PPP4R2: variants seen among roughly 807,000 people sequenced by gnomAD.
The protein encoded by PPP4R2 is protein phosphatase 4 regulatory subunit 2, also known as serine/threonine-protein phosphatase 4 regulatory subunit 2.
Under a neutral mutation model 47.2 loss-of-function variants are expected in PPP4R2, and 13 were observed. The ratio of observed to expected loss-of-function variants is 0.28; its 90% CI spans 0.18 to 0.44. The LOEUF is 0.44. Ranked by LOEUF, PPP4R2 falls within the 20% of genes least tolerant of loss-of-function variation. The pLI is 1.00. For missense variants in PPP4R2, 421 were observed against 491.2 expected (o/e 0.86, Z 1.35); for synonymous variants, 151 against 163.3 (o/e 0.92, Z 0.57).
intron 5 of PPP4R2, chr3:73,062,972 C>T (rs1012527048): frequency 3.8e-6 from 5 of 1,304,898 alleles, no homozygotes; most frequent in Admixed American, 2.1e-5. Context: ...TGGATGGCTC[C>T]ATTGCTCTAC....
chr3:73,040,977 G>A (rs1437231492), intron 2 of PPP4R2, among the ~76,000 whole-genome samples: 1 of 151,534 alleles, frequency 6.6e-6, no homozygotes, highest in East Asian at 1.9e-4. Context: ...ATATTAAAAT[G>A]TTACTTTAGT....
Position 73,066,586 on chromosome 3 carries a change from AGAAT to A in PPP4R2, c.*870_*873del, listed in dbSNP as rs536091428. ...TTCAAATGTTAGCTTACTATTTTGT[AGAAT>A]GAATGTTTATGAAGCTGATATGAGA... On this transcript the variant is annotated 3_prime_UTR_variant, in exon 9 of 9. Coordinates refer to ENST00000356692, the MANE Select transcript of PPP4R2 (RefSeq NM_174907.4). 162 of 152,224 alleles carry A rather than the reference AGAAT, an allele frequency of 1.1e-3. No homozygotes were observed. Among genetic ancestry groups the A allele is most frequent in the African/African-American group, 3.5e-3 (145 of 41,580 alleles). 9.4% of individuals were successfully genotyped at this position (152,224 alleles called of 1,614,324 possible).
At chr3:73,062,394 A>G (rs1374655388) in intron 5 of PPP4R2, 1 of 1,607,370 alleles carries the variant, frequency 6.2e-7, no homozygotes, top group South Asian at 1.1e-5. Flanking sequence ...GGACATTAAA[A>G]AAGCAGCCAA....
chr3:73,009,249 G>C (rs952852370), intron 2 of PPP4R2, among the ~76,000 whole-genome samples: 1 of 152,166 alleles, frequency 6.6e-6, no homozygotes, highest in Non-Finnish European at 1.5e-5. Flanking sequence ...GACTACGAGT[G>C]GGGAATGGGA....
chr3:73,037,650 T>C (rs1349536725), intron 2 of PPP4R2, among the ~76,000 whole-genome samples: 2 of 152,214 alleles, frequency 1.3e-5, no homozygotes, highest in Non-Finnish European at 2.9e-5. Flanking sequence ...GAGAAACTCA[T>C]TTATTGTTTA....
intron 2 of PPP4R2, among the ~76,000 whole-genome samples, chr3:73,015,197 T>G (rs572161638): frequency 6.6e-6 from 1 of 152,234 alleles, no homozygotes; most frequent in Non-Finnish European, 1.5e-5. Flanking sequence ...TATCTTTTTT[T>G]GAGACAGAGT....
intron 2 of PPP4R2, among the ~76,000 whole-genome samples, chr3:73,046,473 G>T (rs1702489808): frequency 6.6e-6 from 1 of 152,184 alleles, no homozygotes; most frequent in South Asian, 2.1e-4. Context: ...ATTCAGGCAG[G>T]TATCCTCACA....
intron 2 of PPP4R2, among the ~76,000 whole-genome samples, chr3:73,017,286 C>T (rs1701860860): frequency 6.6e-6 from 1 of 152,184 alleles, no homozygotes; most frequent in Non-Finnish European, 1.5e-5. Context: ...TTAGTAGCCT[C>T]ATGGCTTCAT....
chr3:73,035,592 G>A (rs997896576), intron 2 of PPP4R2, among the ~76,000 whole-genome samples: 1 of 152,106 alleles, frequency 6.6e-6, no homozygotes, highest in African/African-American at 2.4e-5. Flanking sequence ...CAAAAGAAAA[G>A]AAATCAGTGT....
chr3:73,062,922 C>T, intron 5 of PPP4R2: 1 of 1,590,952 alleles, frequency 6.3e-7, no homozygotes, highest in South Asian at 1.1e-5. Flanking sequence ...GCACAGATGA[C>T]AACCTATTAA....
intron 2 of PPP4R2, among the ~76,000 whole-genome samples, chr3:73,003,134 A>G (rs1259478332): frequency 6.6e-6 from 1 of 150,534 alleles, no homozygotes; most frequent in Non-Finnish European, 1.5e-5. Context: ...TTTTTTTTAC[A>G]TATTCTCTAT....
intron 2 of PPP4R2, among the ~76,000 whole-genome samples, chr3:73,038,277 G>A (rs943090000): frequency 2.6e-5 from 4 of 152,222 alleles, no homozygotes; most frequent in Non-Finnish European, 4.4e-5. Flanking sequence ...ATTGTGAGCC[G>A]TGCTGTTAGA....
At chr3:73,002,786 C>T (rs758742143) in intron 2 of PPP4R2, among the ~76,000 whole-genome samples, 10 of 151,720 alleles carry the variant, frequency 6.6e-5, no homozygotes, top group Admixed American at 2.6e-4. Context: ...GGATTACAGG[C>T]ATGCGCCACC....
chr3:73,061,759 G>C (rs976948977), intron 5 of PPP4R2: 3 of 265,130 alleles, frequency 1.1e-5, no homozygotes, highest in African/African-American at 4.7e-5. Context: ...GCTGGAGTGC[G>C]GTGATGAGTG....
intron 1 of PPP4R2, among the ~76,000 whole-genome samples, chr3:72,997,683 C>T (rs1382141123): frequency 2.0e-5 from 3 of 152,128 alleles, no homozygotes; most frequent in African/African-American, 7.2e-5. Context: ...CATTTGGGGA[C>T]GGCAACTTGG....
At chr3:73,030,399 C>T (rs538254568) in intron 2 of PPP4R2, among the ~76,000 whole-genome samples, 3 of 152,056 alleles carry the variant, frequency 2.0e-5, no homozygotes, top group Non-Finnish European at 4.4e-5. Context: ...CAACAAGAAG[C>T]AAGGTCATTG....
intron 3 of PPP4R2, among the ~76,000 whole-genome samples, chr3:73,057,108 A>G (rs1702745578): frequency 6.6e-6 from 1 of 152,144 alleles, no homozygotes; most frequent in Non-Finnish European, 1.5e-5. Context: ...GCCATGAACT[A>G]GAAGAGGAGC....
chr3:73,048,887 T>A (rs1464794656), intron 3 of PPP4R2, among the ~76,000 whole-genome samples: 1 of 152,186 alleles, frequency 6.6e-6, no homozygotes, highest in East Asian at 1.9e-4. Flanking sequence ...TGTCAAACCC[T>A]TAGGCCTTGA....
In PPP4R2 at chr3:73,064,981, C is replaced by T; in HGVS notation, c.768C>T (p.Val256=). 6.2e-7 allele frequency: 1 copy of T among 1,613,854 alleles called. No individual in the cohort carries two copies. The highest frequency in any genetic ancestry group is 8.5e-7 in the Non-Finnish European group (1 of 1,179,814). ...KRLRFDKEGE[V]RETASQTTSS... ...TCAGGTTTGACAAAGAAGGTGAAGT[C>T]AGAGAAACAGCCAGTCAAACGACTT... Residue 256 remains valine, a synonymous_variant, in exon 8 of 9, where the codon GTC becomes GTT. Coordinates refer to ENST00000356692, the MANE Select transcript of PPP4R2 (RefSeq NM_174907.4).
Sources: allele counts gnomAD v4.1 joint callset (sites outside exome capture counted in the v4.1 genomes callset), GRCh38; gene constraint gnomAD v4.1.1; transcripts MANE v1.5; gene names NCBI Gene and HGNC (gene_info 2026-07-23, HGNC 2026-07-21).